The following PAWR variants were observed in gnomAD, a reference collection of about 807,000 sequenced individuals.
The protein encoded by PAWR is PRKC apoptosis WT1 regulator protein.
Under a neutral mutation model 32.0 loss-of-function variants are expected in PAWR, and 23 were observed. That is an observed-to-expected ratio of 0.72 (90% CI 0.52 to 1.02). PAWR has a LOEUF of 1.02. Ranked by LOEUF, PAWR falls within the 50% of genes least tolerant of loss-of-function variation. The pLI is 0.00. For missense variants in PAWR, 457 were observed against 437.7 expected (o/e 1.04, Z -0.39); for synonymous variants, 226 against 187.1 (o/e 1.21, Z -1.70).
Position 79,613,618 on chromosome 12 carries a change from TA to T in PAWR, c.649-10del. 3 of 1,499,510 alleles carry T rather than the reference TA, an allele frequency of 2.0e-6. No homozygotes were observed. Among genetic ancestry groups the T allele is most frequent in the Non-Finnish European group, 2.8e-6 (3 of 1,082,626 alleles). The allele number at this position is 1,499,510 out of a possible 1,614,324, so 92.9% of individuals were successfully genotyped here. On this transcript the variant is annotated splice_polypyrimidine_tract_variant and intron_variant, in intron 3 of 6. Transcript: ENST00000328827. ...ACTGTTCTAGGTGGCTCCTGCAAAG[TA>T]AAAATAATTATGTATCAGTTTGAGT...
intron 2 of PAWR, among the ~76,000 whole-genome samples, chr12:79,643,703 T>G (rs1286322624): frequency 6.6e-6 from 1 of 152,164 alleles, no homozygotes; most frequent in Non-Finnish European, 1.5e-5. Flanking sequence ...CATTTGCAGT[T>G]TATTTATATT....
chr12:79,613,632 T>C (rs1004856481), intron 3 of PAWR, 23 bp from the exon 4 acceptor site: 3 of 1,442,738 alleles, frequency 2.1e-6, no homozygotes, highest in Non-Finnish European at 2.9e-6. Context: ...AATAATTATG[T>C]ATCAGTTTGA....
At chr12:79,610,533 C>T (rs1003815528) in intron 4 of PAWR, among the ~76,000 whole-genome samples, 2 of 152,222 alleles carry the variant, frequency 1.3e-5, no homozygotes, top group Non-Finnish European at 2.9e-5. Flanking sequence ...ATTTATGCTA[C>T]ACTTCGTTTA....
At chr12:79,649,359 T>C (rs1409426121) in intron 2 of PAWR, among the ~76,000 whole-genome samples, 4 of 152,144 alleles carry the variant, frequency 2.6e-5, no homozygotes, top group Non-Finnish European at 5.9e-5. Flanking sequence ...TGATATATTA[T>C]ATATAATATA....
intron 2 of PAWR, among the ~76,000 whole-genome samples, chr12:79,624,515 T>A (rs1233569612): frequency 6.6e-6 from 1 of 152,226 alleles, no homozygotes; most frequent in Non-Finnish European, 1.5e-5. Context: ...TCACACATAG[T>A]ATCCCTGTGG....
intron 2 of PAWR, among the ~76,000 whole-genome samples, chr12:79,655,579 G>A (rs1368297021): frequency 6.6e-6 from 1 of 152,178 alleles, no homozygotes; most frequent in African/African-American, 2.4e-5. Flanking sequence ...AATAAACTTA[G>A]AGCATGCCTT....
In PAWR at chr12:79,688,515, C is replaced by A. The variant is rs1225242179; in HGVS notation, c.516+1214G>T. On this transcript the variant is annotated intron_variant, in intron 2 of 6. Coordinates refer to ENST00000328827, the MANE Select transcript of PAWR (RefSeq NM_002583.4). ...CCTAGAAATTTGATTACCACTCTTA[C>A]GAATTCCTTCTAAAGCAATTTAATG... The A allele has an allele frequency of 2.1e-5, 3 of 146,142 alleles. No homozygotes were observed. The East Asian group carries it at 6.1e-4, about 30-fold the overall frequency. The allele number at this position is 146,142 out of a possible 1,614,324, so 9.1% of individuals were successfully genotyped here. A position where few individuals can be genotyped will look rare whatever the true frequency, so the allele number is the denominator to read the frequency against.
At chr12:79,600,015 A>C (rs1592491540) in intron 4 of PAWR, among the ~76,000 whole-genome samples, 1 of 152,204 alleles carries the variant, frequency 6.6e-6, no homozygotes, top group Non-Finnish European at 1.5e-5. Context: ...TGCAACTACC[A>C]ATTAAATTTT....
intron 2 of PAWR, among the ~76,000 whole-genome samples, chr12:79,628,547 G>A (rs1184008608): frequency 6.6e-6 from 1 of 151,940 alleles, no homozygotes; most frequent in Admixed American, 6.6e-5. Context: ...GTCAAATAAA[G>A]GTTCTAAATG....
intron 3 of PAWR, among the ~76,000 whole-genome samples, chr12:79,618,675 T>C (rs1473137786): frequency 6.6e-6 from 1 of 152,178 alleles, no homozygotes; most frequent in East Asian, 1.9e-4. Flanking sequence ...GTGAGATCAC[T>C]GCGACAAAAT....
intron 2 of PAWR, among the ~76,000 whole-genome samples, chr12:79,651,275 T>A (rs1267871750): frequency 1.3e-5 from 2 of 152,048 alleles, no homozygotes; most frequent in African/African-American, 4.8e-5. Context: ...AACAAAAAAA[T>A]ACACCAAGAT....
intron 2 of PAWR, among the ~76,000 whole-genome samples, chr12:79,665,054 C>G (rs1329435290): frequency 1.3e-5 from 2 of 151,700 alleles, no homozygotes; most frequent in Admixed American, 6.6e-5. Flanking sequence ...TATGTACCTC[C>G]AATAATATGA....
At chr12:79,688,483 A>C (rs981099778) in intron 2 of PAWR, 3 of 151,588 alleles carry the variant, frequency 2.0e-5, no homozygotes, top group African/African-American at 7.3e-5. Flanking sequence ...AAAAAAAAAA[A>C]AAAACACCTA....
chr12:79,605,216 C>T (rs1023471358), intron 4 of PAWR, among the ~76,000 whole-genome samples: 1 of 151,860 alleles, frequency 6.6e-6, no homozygotes, highest in Non-Finnish European at 1.5e-5. Context: ...TAATCTATCT[C>T]GTTAAAAATT....
At chr12:79,656,752 C>CA (rs981505426) in intron 2 of PAWR, among the ~76,000 whole-genome samples, 7 of 152,128 alleles carry the variant, frequency 4.6e-5, no homozygotes, top group East Asian at 3.9e-4. Flanking sequence ...GAAATAACAA[C>CA]AAAAAATAGA....
intron 4 of PAWR, among the ~76,000 whole-genome samples, chr12:79,606,329 A>T (rs1303228218): frequency 6.6e-6 from 1 of 152,198 alleles, no homozygotes; most frequent in Non-Finnish European, 1.5e-5. Flanking sequence ...ACCTTAAAAG[A>T]GTGAATTTTT....
chr12:79,602,043 ATAGT>A (rs1397365111), intron 4 of PAWR, among the ~76,000 whole-genome samples: 2 of 152,206 alleles, frequency 1.3e-5, no homozygotes, highest in Non-Finnish European at 2.9e-5. Context: ...ATATTTTGTA[ATAGT>A]TAAACTAGAT....
intron 2 of PAWR, among the ~76,000 whole-genome samples, chr12:79,662,646 A>G (rs1334226912): frequency 2.6e-4 from 39 of 152,226 alleles, no homozygotes; most frequent in Non-Finnish European, 5.9e-5. Flanking sequence ...TAAAGACAAA[A>G]AAGCAGAAGC....
chr12:79,648,721 C>T (rs545671361), intron 2 of PAWR, among the ~76,000 whole-genome samples: 263 of 148,694 alleles, frequency 1.8e-3, no homozygotes, highest in African/African-American at 5.7e-3. Context: ...CCCAGGAAGT[C>T]GAAGCTGCAA....
Sources: gnomAD v4.1 joint callset for allele counts (sites outside exome capture counted in the v4.1 genomes callset) on GRCh38, gnomAD v4.1.1 for gene constraint, MANE v1.5 for transcripts, NCBI Gene and HGNC (gene_info 2026-07-23, HGNC 2026-07-21) for gene names.